TENT5D: variants seen among roughly 807,000 people sequenced by gnomAD.
TENT5D encodes the protein terminal nucleotidyltransferase 5D, also known as cancer/testis antigen 112.
For synonymous variants in TENT5D, 103 were observed against 100.6 expected (o/e 1.02, Z -0.15); for missense variants, 191 against 287.0 (o/e 0.67, Z 2.42).
intron 3 of TENT5D, among the ~76,000 whole-genome samples, chrX:80,408,510 A>C (rs1391074530): frequency 5.5e-5 from 6 of 109,580 alleles, no homozygotes; most frequent in Non-Finnish European, 9.5e-5. Context: ...GAAATGGATA[A>C]ATTCCTCGAC....
chrX:80,405,949 C>T (rs1386012107), intron 3 of TENT5D, among the ~76,000 whole-genome samples: 1 of 109,522 alleles, frequency 9.1e-6, no homozygotes, highest in East Asian at 2.9e-4. Flanking sequence ...ACCCCTGACC[C>T]CCGAGCAGCC....
chrX:80,360,064 G>A (rs1430707295), intron 3 of TENT5D, among the ~76,000 whole-genome samples: 2 of 111,810 alleles, frequency 1.8e-5, no homozygotes, highest in African/African-American at 6.5e-5. Flanking sequence ...AGTTTTATAC[G>A]TTTCTGAATC....
At chrX:80,369,854 G>A (rs1482158250) in intron 3 of TENT5D, among the ~76,000 whole-genome samples, 1 of 111,689 alleles carries the variant, frequency 9.0e-6, no homozygotes. Context: ...AGGGGGCAGT[G>A]TCCTTGAATC....
chrX:80,406,361 A>G (rs1193893931), intron 3 of TENT5D, among the ~76,000 whole-genome samples: 2 of 106,975 alleles, frequency 1.9e-5, no homozygotes, highest in Non-Finnish European at 3.9e-5. Context: ...AAAAAAATTT[A>G]GAAGAATGTA....
At position 80,411,244 on chromosome X, in the gene TENT5D, TA is replaced by T. The variant is rs201545701; in HGVS notation, c.-141-27356del. On this transcript the variant is annotated intron_variant, in intron 3 of 4. Transcript: ENST00000538312. ...ATGTACCCTAAAACTTAAAGTATAA[TA>T]AAAAAAAAAGAAAGAAAATTTCAGT... 6.9e-3 allele frequency among the ~76,000 whole-genome samples: 728 copies of T among 105,631 alleles called. 8 individuals carry two copies. Among genetic ancestry groups the T allele is most frequent in the African/African-American group, 0.02 (589 of 29,162 alleles). 91.7% of individuals were successfully genotyped at this position (105,631 alleles called of 115,157 possible). A position where few individuals can be genotyped will look rare whatever the true frequency, so the allele number is the denominator to read the frequency against.
intron 3 of TENT5D, among the ~76,000 whole-genome samples, chrX:80,349,722 A>C (rs980304035): frequency 1.2e-4 from 13 of 110,571 alleles, no homozygotes; most frequent in Non-Finnish European, 2.3e-4. Flanking sequence ...TTGCTTCTCT[A>C]GTTCTTTTAA....
At chrX:80,341,751 G>T (rs1303934708) in intron 2 of TENT5D, among the ~76,000 whole-genome samples, 1 of 91,238 alleles carries the variant, frequency 1.1e-5, no homozygotes, top group Non-Finnish European at 2.1e-5. Flanking sequence ...TCGCTCTGTC[G>T]CCCAGGCTGG....
At chrX:80,397,831 A>T (rs767087702) in intron 3 of TENT5D, among the ~76,000 whole-genome samples, 1 of 112,118 alleles carries the variant, frequency 8.9e-6, no homozygotes, top group Admixed American at 9.3e-5. Context: ...CGGCAGGCTG[A>T]GGCAGGAGAA....
chrX:80,442,195 T>G (rs751313203), intron 2 of TENT5D, among the ~76,000 whole-genome samples: 2 of 111,206 alleles, frequency 1.8e-5, no homozygotes, highest in East Asian at 5.6e-4. Flanking sequence ...GAACAAAATT[T>G]ATATCACCAA....
At chrX:80,374,665 C>A (rs1930691940) in intron 3 of TENT5D, among the ~76,000 whole-genome samples, 1 of 111,162 alleles carries the variant, frequency 9.0e-6, no homozygotes, top group Non-Finnish European at 1.9e-5. Context: ...GCTTTTGTTG[C>A]AGTTAAAAGC....
chrX:80,337,166 A>T (rs1369063174), intron 2 of TENT5D, among the ~76,000 whole-genome samples: 3 of 112,089 alleles, frequency 2.7e-5, no homozygotes, highest in African/African-American at 9.7e-5. Context: ...ACTTTTTATT[A>T]TAGAGAAAAT....
exon 3 of TENT5D, chrX:80,443,607 A>G: frequency 8.3e-7 from 1 of 1,210,420 alleles, no homozygotes; most frequent in Non-Finnish European, 1.1e-6. Context: ...CGTACTTTGC[A>G]GCTGAGGCAA....
At chrX:80,339,728 GAAA>G (rs943171048) in intron 2 of TENT5D, among the ~76,000 whole-genome samples, 1 of 106,677 alleles carries the variant, frequency 9.4e-6, no homozygotes, top group East Asian at 2.9e-4. Context: ...AGAATAAAAT[GAAA>G]AAAAAAGTCT....
chrX:80,409,634 G>A (rs1467071568), intron 3 of TENT5D, among the ~76,000 whole-genome samples: 1 of 111,470 alleles, frequency 9.0e-6, no homozygotes, highest in Non-Finnish European at 1.9e-5. Flanking sequence ...ATGCTCATGG[G>A]TGGGAAGAAT....
At chrX:80,422,002 C>T (rs910006765) in intron 1 of TENT5D, among the ~76,000 whole-genome samples, 26 of 109,692 alleles carry the variant, frequency 2.4e-4, no homozygotes, top group African/African-American at 8.7e-4. Flanking sequence ...TGGGGCAAGT[C>T]ATTATTTATA....
At chrX:80,379,770 T>G (rs911003469) in intron 3 of TENT5D, among the ~76,000 whole-genome samples, 1 of 111,156 alleles carries the variant, frequency 9.0e-6, no homozygotes, top group Non-Finnish European at 1.9e-5. Context: ...TATTCTCTGA[T>G]GGTAGTTTGT....
chrX:80,369,984 C>G (rs1930591316), intron 3 of TENT5D, among the ~76,000 whole-genome samples: 1 of 110,967 alleles, frequency 9.0e-6, no homozygotes, highest in African/African-American at 3.3e-5. Context: ...GTGACAAGAT[C>G]AGACCATAGC....
intron 3 of TENT5D, among the ~76,000 whole-genome samples, chrX:80,365,515 A>G (rs763742120): frequency 1.1e-3 from 117 of 111,248 alleles, no homozygotes; most frequent in African/African-American, 3.6e-3. Context: ...TCCATCTAAA[A>G]CTAAAGCTCC....
chrX:80,444,678 A>G, exon 3 of TENT5D: 2 of 122,982 alleles, frequency 1.6e-5, no homozygotes, highest in Middle Eastern at 9.1e-3. Context: ...TTGTAACTAA[A>G]TGAAGCAGGT....
Sources: gnomAD v4.1 joint callset for allele counts (sites outside exome capture counted in the v4.1 genomes callset) on GRCh38, gnomAD v4.1.1 for gene constraint, MANE v1.5 for transcripts, NCBI Gene and HGNC (gene_info 2026-07-23, HGNC 2026-07-21) for gene names.